Variants in TMEM143 observed in about 807,000 individuals in gnomAD.
The protein encoded by TMEM143 is transmembrane protein 143.
In TMEM143, 45 loss-of-function variants were observed where a neutral mutation model predicts 40.3. That is an observed-to-expected ratio of 1.12 (90% CI 0.88 to 1.43). TMEM143 has a LOEUF of 1.43. TMEM143 is among the 40% of genes most tolerant of loss of function. The pLI is 0.00. For synonymous variants in TMEM143, 299 were observed against 282.7 expected (o/e 1.06, Z -0.58); for missense variants, 620 against 613.4 (o/e 1.01, Z -0.11).
chr19:48,341,903 C>T (rs1029518921), intron 6 of TMEM143, among the ~76,000 whole-genome samples: 4 of 152,022 alleles, frequency 2.6e-5, no homozygotes, highest in African/African-American at 9.7e-5. Flanking sequence ...TTCTCACAGA[C>T]TCACTCATTT....
intron 4 of TMEM143, among the ~76,000 whole-genome samples, chr19:48,344,709 C>A (rs991352121): frequency 6.6e-6 from 1 of 151,630 alleles, no homozygotes; most frequent in Non-Finnish European, 1.5e-5. Flanking sequence ...GACAGCAGCA[C>A]CTCCTTTTTT....
intron 3 of TMEM143, among the ~76,000 whole-genome samples, chr19:48,350,087 G>C (rs1446178698): frequency 1.5e-5 from 2 of 133,242 alleles, no homozygotes; most frequent in Admixed American, 8.9e-5. Context: ...TGCAACCTCC[G>C]CCTCCCGGGT....
intron 3 of TMEM143, among the ~76,000 whole-genome samples, chr19:48,351,973 C>T (rs754620998): frequency 1.3e-5 from 2 of 151,996 alleles, no homozygotes; most frequent in African/African-American, 2.4e-5. Flanking sequence ...TGCAGCCGGG[C>T]GCGGTGGTTT....
intron 3 of TMEM143, among the ~76,000 whole-genome samples, chr19:48,353,578 A>G (rs910032436): frequency 6.6e-6 from 1 of 151,966 alleles, no homozygotes; most frequent in Non-Finnish European, 1.5e-5. Context: ...AAAAAATTAC[A>G]CATAGTTTAT....
At chr19:48,344,017 G>A (rs1030074832) in intron 4 of TMEM143, among the ~76,000 whole-genome samples, 4 of 152,044 alleles carry the variant, frequency 2.6e-5, no homozygotes, top group South Asian at 2.1e-4. Context: ...CTCCCAAGTA[G>A]CTGGGACTAC....
chr19:48,362,675 C>T (rs1324679901), intron 2 of TMEM143, among the ~76,000 whole-genome samples: 1 of 152,150 alleles, frequency 6.6e-6, no homozygotes, highest in South Asian at 2.1e-4. Flanking sequence ...CAAAATTTAA[C>T]GGGGCACTCA....
At chr19:48,340,121 A>ATTTTTTT (rs11369636) in intron 6 of TMEM143, among the ~76,000 whole-genome samples, 14 of 98,552 alleles carry the variant, frequency 1.4e-4, no homozygotes, top group Admixed American at 3.8e-4. Context: ...GTCAACTGGG[A>ATTTTTTT]TTTTTTTTTT....
chr19:48,357,547 A>G (rs1729055113), intron 3 of TMEM143, among the ~76,000 whole-genome samples: 1 of 150,870 alleles, frequency 6.6e-6, no homozygotes, highest in African/African-American at 2.4e-5. Flanking sequence ...TAGTAGAGAC[A>G]GGGTTTCACC....
chr19:48,342,493 C>T (rs909374602), intron 6 of TMEM143, 37 bp downstream of exon 6: 7 of 1,563,778 alleles, frequency 4.5e-6, no homozygotes, highest in Non-Finnish European at 5.2e-6. Flanking sequence ...GTCCCCACAG[C>T]GCAGGGCCGC....
chr19:48,343,163 C>G, intron 5 of TMEM143, 158 bp downstream of exon 5: 1 of 970,890 alleles, frequency 1.0e-6, no homozygotes, highest in Non-Finnish European at 1.5e-6. Context: ...CTCACTTTCC[C>G]TTGAGAAGAA....
chr19:48,345,462 A>G, intron 3 of TMEM143, 108 bp from the exon 4 acceptor site: 1 of 687,312 alleles, frequency 1.5e-6, no homozygotes. Flanking sequence ...TTATTTATTT[A>G]TTTATTTATT....
chr19:48,333,889 G>T lies in TMEM143; in HGVS notation c.1165+119C>A. 1 of 1,111,004 alleles carries T rather than the reference G, an allele frequency of 9.0e-7. No individual in the cohort carries two copies. The highest frequency in any genetic ancestry group is 1.2e-6 in the Non-Finnish European group (1 of 804,712). The allele number at this position is 1,111,004 out of a possible 1,614,324, so 68.8% of individuals were successfully genotyped here. Reference sequence around the variant, plus strand: ...GAGGTCCTGTCTGCTGAGGGCCGGGGTCTCTTCGCAAACCCGTCAGGTTCA... The same window carrying T: ...GAGGTCCTGTCTGCTGAGGGCCGGGTTCTCTTCGCAAACCCGTCAGGTTCA... On this transcript the variant is annotated intron_variant, in intron 7 of 7. Coordinates refer to ENST00000293261, the MANE Select transcript of TMEM143 (RefSeq NM_018273.4). The surrounding 1 kb of genome is among the most constrained non-coding windows in gnomAD (Gnocchi z 4.1).
chr19:48,352,793 A>T (rs1302609117), intron 3 of TMEM143, among the ~76,000 whole-genome samples: 1 of 151,768 alleles, frequency 6.6e-6, no homozygotes, highest in Non-Finnish European at 1.5e-5. Context: ...ATATATATAT[A>T]TTTTGTGGAG....
chr19:48,357,562 T>TA (rs779142785), intron 3 of TMEM143, among the ~76,000 whole-genome samples: 20 of 150,884 alleles, frequency 1.3e-4, no homozygotes, highest in Non-Finnish European at 2.4e-4. Flanking sequence ...TTCACCGTGT[T>TA]AGACAGGATG....
In TMEM143 at chr19:48,363,394, T is replaced by C. The variant is rs1183305981; in HGVS notation, c.161A>G (p.Tyr54Cys). 6.2e-7 allele frequency: 1 copy of C among 1,614,182 alleles called. No individual in the cohort carries two copies. Among genetic ancestry groups the C allele is most frequent in the African/African-American group, 1.3e-5 (1 of 75,062 alleles). The change falls in exon 2 of 8, where the codon TAT becomes TGT. Residue 54 changes from tyrosine (Y) to cysteine (C), a missense_variant. Physicochemically the swap from Tyr to Cys is radical, Grantham distance 194. Transcript: ENST00000293261. ...LSSLAAKMGE[Y>C]RKMWNPREPR... ...CTCCCTGGGGTTCCACATCTTGCGA[T>C]ACTCCCCCATTTTGGCTGCCAGCGA...
In TMEM143 at chr19:48,333,593, G is replaced by T. The variant is rs748853925; in HGVS notation, c.1166-160C>A. 2.0e-4 allele frequency among the ~76,000 whole-genome samples: 30 copies of T among 152,182 alleles called. No homozygotes were observed. Among genetic ancestry groups the T allele is most frequent in the African/African-American group, 6.8e-4 (28 of 41,448 alleles). On this transcript the variant is annotated intron_variant, in intron 7 of 7. Coordinates refer to ENST00000293261, the MANE Select transcript of TMEM143 (RefSeq NM_018273.4). This position sits in a 1 kb window ranked among gnomAD's most constrained non-coding sequence, Gnocchi z 4.1. The stretch of plus-strand genomic sequence containing the variant: ...TGGAGGGGAGCGGAACAAGGCCCAG[G>T]AGGGTCGAGAGGGCCAGAAGGCCCA...
At chr19:48,352,239 T>G (rs1969789514) in intron 3 of TMEM143, among the ~76,000 whole-genome samples, 1 of 9,484 alleles carries the variant, frequency 1.1e-4, no homozygotes, top group African/African-American at 3.0e-4. Context: ...AGAGTGAGAC[T>G]CTGTCTCAAA....
chr19:48,361,031 T>C (rs1433720631), intron 2 of TMEM143, among the ~76,000 whole-genome samples: 1 of 151,418 alleles, frequency 6.6e-6, no homozygotes, highest in East Asian at 2.0e-4. Context: ...CCAGCAATCC[T>C]CCCACCTCAG....
intron 6 of TMEM143, among the ~76,000 whole-genome samples, chr19:48,337,170 GGTAAGACCTAA>G (rs1162954057): frequency 2.0e-5 from 3 of 152,196 alleles, no homozygotes; most frequent in Non-Finnish European, 2.9e-5. Flanking sequence ...GGCTGCCCCT[GGTAAGACCTAA>G]GTCCTCAGTC....
Sources: allele counts gnomAD v4.1 joint callset (sites outside exome capture counted in the v4.1 genomes callset), GRCh38; gene constraint gnomAD v4.1.1; non-coding constraint Gnocchi (gnomAD v3.1); transcripts MANE v1.5; gene names NCBI Gene and HGNC (gene_info 2026-07-23, HGNC 2026-07-21).